The following HOXC12 variants were observed in gnomAD, a reference collection of about 807,000 sequenced individuals.
HOXC12 encodes the protein homeobox protein Hox-C12.
A neutral mutation model predicts 20.9 loss-of-function variants in HOXC12; 24 were observed. The ratio of observed to expected loss-of-function variants is 1.15; its 90% confidence interval spans 0.83 to 1.61. The LOEUF (loss-of-function observed/expected upper bound fraction) is 1.61, where lower values mean the gene tolerates loss of function less well. HOXC12 is among the 40% of genes most tolerant of loss of function. HOXC12 has a pLI of 0.00. For missense variants in HOXC12, 436 were observed against 406.9 expected (o/e 1.07, Z -0.62); for synonymous variants, 202 against 197.7 (o/e 1.02, Z -0.18).
intron 1 of HOXC12, 44 bp from the exon 2 acceptor site, chr12:53,956,284 C>A (rs1250847544): frequency 7.9e-6 from 12 of 1,514,818 alleles, no homozygotes; most frequent in Non-Finnish European, 1.1e-5. Flanking sequence ...GGACTGGTCA[C>A]CCTTTGATCC....
At position 53,955,539 on chromosome 12, in the gene HOXC12, G is replaced by A. The variant is rs1455803928; in HGVS notation, c.610G>A (p.Gly204Ser). The A allele has an allele frequency of 2.1e-6, 3 of 1,440,598 alleles. No homozygotes were observed. Among genetic ancestry groups the A allele is most frequent in the Admixed American group, 2.5e-5 (1 of 39,776 alleles). 89.2% of individuals were successfully genotyped at this position (1,440,598 alleles called of 1,614,324 possible). Residue 204 changes from glycine to serine, a missense_variant and splice_region_variant, in exon 1 of 2, where the codon GGC becomes AGC. Gly to Ser is a moderately conservative substitution (Grantham distance 56). Transcript: ENST00000243103. ...CCCCGGCGGCGGGCTCTCGGCCAGC[G>A]GTAAGGACCCCGGCCACTCAAGCGG... The part of the protein sequence containing the change: ...LNPGGGLSAS[G>S]APWYPINSRS...
At chr12:53,955,979 G>A (rs191268316) in intron 1 of HOXC12, among the ~76,000 whole-genome samples, 1 of 152,196 alleles carries the variant, frequency 6.6e-6, no homozygotes. Context: ...TGAAGGATGT[G>A]AGAGGAAGGG....
Position 53,956,420 on chromosome 12 carries a change from G to A in HOXC12, c.703G>A (p.Val235Ile). The change falls in exon 2 of 2, where the codon GTC becomes ATC. Residue 235 changes from valine to isoleucine, a missense_variant. Val to Ile is a conservative substitution (Grantham distance 29). Transcript: ENST00000243103. The stretch of plus-strand genomic sequence containing the variant: ...GGCAGAGCTGGAGGGCGAGTTTCTG[G>A]TCAACGAGTTCATCACACGCCAGCG... ...QLAELEGEFL[V>I]NEFITRQRRR... 6.2e-7 allele frequency: 1 copy of A among 1,613,944 alleles called. No homozygotes were observed. Among genetic ancestry groups the A allele is most frequent in the Non-Finnish European group, 8.5e-7 (1 of 1,179,910 alleles).
Position 53,955,090 on chromosome 12 carries a change from C to T in HOXC12, c.161C>T (p.Ser54Phe), listed in dbSNP as rs748863084. ...CGCCGCGACAACGTGTGCTCCCTGTCCTGGCCGTCGGCGGAGCCGTGCAAT... is the reference window on the plus strand; with the variant it reads ...CGCCGCGACAACGTGTGCTCCCTGTTCTGGCCGTCGGCGGAGCCGTGCAAT... Reference protein sequence around the residue: ...YPRRDNVCSLSWPSAEPCNGY... With the variant: ...YPRRDNVCSLFWPSAEPCNGY... The change falls in exon 1 of 2, where the codon TCC becomes TTC. Residue 54 changes from serine (S) to phenylalanine (F), a missense_variant. Coordinates refer to ENST00000243103, the MANE Select transcript of HOXC12 (RefSeq NM_173860.3). 6.2e-7 allele frequency: 1 copy of T among 1,613,060 alleles called. No individual in the cohort carries two copies. The highest frequency in any genetic ancestry group is 1.3e-5 in the African/African-American group (1 of 75,042).
rs756388382 is a variant in HOXC12 at position 53,954,935 on chromosome 12, C to A, written c.6C>A (p.Gly2=). The A allele has an allele frequency of 6.2e-7, 1 of 1,607,236 alleles. No individual in the cohort carries two copies. Among genetic ancestry groups the A allele is most frequent in the Non-Finnish European group, 8.5e-7 (1 of 1,174,242 alleles). Residue 2 remains glycine (G), a synonymous_variant, in exon 1 of 2, where the codon GGC becomes GGA. Transcript: ENST00000243103. Reference sequence around the variant, plus strand: ...GCCGGTCGGGCCCCGCGGAAATGGGCGAGCATAATCTCCTGAATCCCGGGT... The same window carrying A: ...GCCGGTCGGGCCCCGCGGAAATGGGAGAGCATAATCTCCTGAATCCCGGGT... M[G]EHNLLNPGFV... is the part of the protein sequence containing the mutation.
At position 53,956,543 on chromosome 12, in the gene HOXC12, G is replaced by T. The variant is rs373624523; in HGVS notation, c.826G>T (p.Glu276Ter). The T allele has an allele frequency of 4.5e-5, 72 of 1,612,754 alleles. 1 individual carries two copies. Among genetic ancestry groups the T allele is most frequent in the Non-Finnish European group, 5.7e-5 (67 of 1,179,464 alleles). ...GAAAAAGAAAAGACTTCTGTTGAGGGAGCAAGCTCTCTCCTTCTTTTAAGG... is the reference window on the plus strand; with the variant it reads ...GAAAAAGAAAAGACTTCTGTTGAGGTAGCAAGCTCTCTCCTTCTTTTAAGG... ...RMKKKRLLLR[E>*]QALSFF The change falls in exon 2 of 2, where the codon GAG becomes TAG. Residue 276 changes from glutamate to a stop codon, truncating the protein, a stop_gained. Coordinates refer to ENST00000243103, the MANE Select transcript of HOXC12 (RefSeq NM_173860.3). LOFTEE classifies it high-confidence loss of function.
chr12:53,955,856 T>C (rs1223903546), intron 1 of HOXC12, among the ~76,000 whole-genome samples: 1 of 151,928 alleles, frequency 6.6e-6, no homozygotes, highest in Non-Finnish European at 1.5e-5. Flanking sequence ...CCCAGGCGCC[T>C]CTCCCTCCAC....
At chr12:53,955,992 C>A (rs1051321476) in intron 1 of HOXC12, among the ~76,000 whole-genome samples, 1 of 151,802 alleles carries the variant, frequency 6.6e-6, no homozygotes, top group Non-Finnish European at 1.5e-5. Flanking sequence ...AGGAAGGGAC[C>A]AGGAAATAGG....
At position 53,955,441 on chromosome 12, in the gene HOXC12, G is replaced by A; in HGVS notation, c.512G>A (p.Ser171Asn). 6.6e-7 allele frequency: 1 copy of A among 1,508,272 alleles called. No individual in the cohort carries two copies. The highest frequency in any genetic ancestry group is 8.8e-7 in the Non-Finnish European group (1 of 1,134,978). The allele number at this position is 1,508,272 out of a possible 1,614,324, so 93.4% of individuals were successfully genotyped here. Reference protein sequence around the residue: ...PSCQSLESDSSSSLLNEGNKG... With the variant: ...PSCQSLESDSNSSLLNEGNKG... ...TGCCAGTCGCTGGAATCCGACTCCA[G>A]TTCGTCCCTGCTCAACGAGGGCAAC... The change falls in exon 1 of 2, where the codon AGT (serine) becomes AAT (asparagine). Residue 171 changes from serine to asparagine, a missense_variant. Coordinates refer to ENST00000243103, the MANE Select transcript of HOXC12 (RefSeq NM_173860.3).
In HOXC12 at chr12:53,958,108, G is replaced by A. The variant is rs1938898685; in HGVS notation, c.*1542G>A. ...AGGGGTGAGAAGCAGGGCACTGATGGGAGTTAACTGCAGCCTGGACAGTGT... is the reference window on the plus strand; with the variant it reads ...AGGGGTGAGAAGCAGGGCACTGATGAGAGTTAACTGCAGCCTGGACAGTGT... On this transcript the variant is annotated 3_prime_UTR_variant, in exon 2 of 2. Transcript: ENST00000243103. The A allele has an allele frequency of 6.6e-6, 1 of 152,328 alleles. No homozygotes were observed. Among genetic ancestry groups the A allele is most frequent in the African/African-American group, 2.4e-5 (1 of 41,452 alleles). The allele number at this position is 152,328 out of a possible 1,614,324, so 9.4% of individuals were successfully genotyped here.
At position 53,955,383 on chromosome 12, in the gene HOXC12, G is replaced by A. The variant is rs1291614710; in HGVS notation, c.454G>A (p.Gly152Ser). The change falls in exon 1 of 2, where the codon GGC (glycine) becomes AGC (serine). Residue 152 changes from glycine to serine, a missense_variant. Coordinates refer to ENST00000243103, the MANE Select transcript of HOXC12 (RefSeq NM_173860.3). ...GGGCGGCGGCGGTGGCGACGGCGGC[G>A]GCGGCGCAGGACCTCCGCACGACCC... ...AAGGGGGDGG[G>S]GAGPPHDPPS... 5 of 1,469,160 alleles carry A rather than the reference G, an allele frequency of 3.4e-6. No homozygotes were observed. Among genetic ancestry groups the A allele is most frequent in the South Asian group, 1.3e-5 (1 of 76,308 alleles). 91.0% of individuals were successfully genotyped at this position (1,469,160 alleles called of 1,614,324 possible).
Position 53,955,045 on chromosome 12 carries a change from T to G in HOXC12, c.116T>G (p.Leu39Arg), listed in dbSNP as rs1490586596. 10 of 1,613,814 alleles carry G rather than the reference T, an allele frequency of 6.2e-6. No individual in the cohort carries two copies. The highest frequency in any genetic ancestry group is 1.7e-5 in the Admixed American group (1 of 60,004). The change falls in exon 1 of 2, where the codon CTG becomes CGG. Residue 39 changes from leucine to arginine, a missense_variant. Coordinates refer to ENST00000243103, the MANE Select transcript of HOXC12 (RefSeq NM_173860.3). ...FRASGAQLPGLPSLSYPRRDN... is the reference protein window; with the variant it reads ...FRASGAQLPGRPSLSYPRRDN... ...GCGTCCGGGGCGCAGCTTCCCGGGC[T>G]GCCTTCGCTGTCCTACCCACGCCGC...
rs142687276 is a variant in HOXC12 at position 53,956,479 on chromosome 12, T to G, written c.762T>G (p.Ser254Arg). Residue 254 changes from serine to arginine, a missense_variant, in exon 2 of 2, where the codon AGT (serine) becomes AGG (arginine). Coordinates refer to ENST00000243103, the MANE Select transcript of HOXC12 (RefSeq NM_173860.3). ...AACTCTCAGACCGCTTGAATCTTAG[T>G]GACCAGCAGGTCAAGATCTGGTTTC... ...RRELSDRLNL[S>R]DQQVKIWFQN... is the part of the protein sequence containing the mutation. 5 of 1,614,084 alleles carry G rather than the reference T, an allele frequency of 3.1e-6. No homozygotes were observed. Among genetic ancestry groups the G allele is most frequent in the African/African-American group, 1.3e-5 (1 of 74,928 alleles).
chr12:53,955,516 CCGG>C lies in HOXC12; in HGVS notation c.594_596del (p.Gly199del), dbSNP rs1938849954. ...GGCAGCTTGGTATCGCCGTTGAACC[CCGG>C]CGGCGGGCTCTCGGCCAGCGGTAAG... On this transcript the variant is annotated inframe_deletion, in exon 1 of 2. Coordinates refer to ENST00000243103, the MANE Select transcript of HOXC12 (RefSeq NM_173860.3). 6.8e-7 allele frequency: 1 copy of C among 1,468,186 alleles called. No homozygotes were observed. 90.9% of individuals were successfully genotyped at this position (1,468,186 alleles called of 1,614,324 possible).
At chr12:53,956,221 G>C in intron 1 of HOXC12, 107 bp from the exon 2 acceptor site, 1 of 823,156 alleles carries the variant, frequency 1.2e-6, no homozygotes, top group East Asian at 2.7e-5. Flanking sequence ...AAAGGGCCTG[G>C]AGTCCAGCTG....
rs766902318 is a variant in HOXC12, at chr12:53,955,029, G to A, written c.100G>A (p.Ala34Thr). The stretch of plus-strand genomic sequence containing the variant: ...CTTCCCCAACTTCCGCGCGTCCGGG[G>A]CGCAGCTTCCCGGGCTGCCTTCGCT... ...FYFPNFRASG[A>T]QLPGLPSLSY... is the part of the protein sequence containing the mutation. The change falls in exon 1 of 2, where the codon GCG (alanine) becomes ACG (threonine). Residue 34 changes from alanine (A) to threonine (T), a missense_variant. Physicochemically the swap from Ala to Thr is moderately conservative, Grantham distance 58. Transcript: ENST00000243103. The A allele has an allele frequency of 3.1e-6, 5 of 1,614,122 alleles. No homozygotes were observed. In the South Asian group the frequency reaches 4.4e-5, roughly 14 times the overall value.
At chr12:53,955,797 C>T (rs1043722455) in intron 1 of HOXC12, among the ~76,000 whole-genome samples, 6 of 152,112 alleles carry the variant, frequency 3.9e-5, no homozygotes, top group Non-Finnish European at 8.8e-5. Flanking sequence ...CGGGGACTCC[C>T]CAGGCCTGGG....
rs1938908601 is a variant in HOXC12 at position 53,958,718 on chromosome 12, C to T, written c.*2152C>T. On this transcript the variant is annotated 3_prime_UTR_variant, in exon 2 of 2. Transcript: ENST00000243103. Reference sequence around the variant, plus strand: ...ATATGCAATATTCTCTTTCCATTTGCTTTAAACTTGACTTCTGTGAGGTTC... The same window carrying T: ...ATATGCAATATTCTCTTTCCATTTGTTTTAAACTTGACTTCTGTGAGGTTC... 6.6e-6 allele frequency: 1 copy of T among 152,180 alleles called. No homozygotes were observed. Among genetic ancestry groups the T allele is most frequent in the Admixed American group, 6.5e-5 (1 of 15,284 alleles). 9.4% of individuals were successfully genotyped at this position (152,180 alleles called of 1,614,324 possible).
Position 53,956,440 on chromosome 12 carries a change from C to T in HOXC12, c.723C>T (p.Arg241=), listed in dbSNP as rs1938867509. The change falls in exon 2 of 2, where the codon CGC becomes CGT. Residue 241 remains arginine (R), a synonymous_variant. Transcript: ENST00000243103. ...TTCTGGTCAACGAGTTCATCACACG[C>T]CAGCGCCGGAGGGAACTCTCAGACC... ...GEFLVNEFIT[R]QRRRELSDRL... 2 of 1,614,150 alleles carry T rather than the reference C, an allele frequency of 1.2e-6. No homozygotes were observed. Among genetic ancestry groups the T allele is most frequent in the Non-Finnish European group, 1.7e-6 (2 of 1,179,996 alleles).
Sources: gnomAD v4.1 joint callset for allele counts (sites outside exome capture counted in the v4.1 genomes callset) on GRCh38, gnomAD v4.1.1 for gene constraint, MANE v1.5 for transcripts, NCBI Gene and HGNC (gene_info 2026-07-23, HGNC 2026-07-21) for gene names.